MED16: variants seen among roughly 807,000 people sequenced by gnomAD.
MED16 encodes mediator complex subunit 16.
Under a neutral mutation model 84.4 loss-of-function variants are expected in MED16, and 81 were observed. That is an observed-to-expected ratio of 0.96 (90% CI 0.80 to 1.15). The LOEUF (loss-of-function observed/expected upper bound fraction) is 1.15, where lower values mean the gene tolerates loss of function less well. Ranked by LOEUF, MED16 falls within the 50% of genes most tolerant of loss-of-function variation. The probability of loss-of-function intolerance (pLI) is 0.00; values close to 1 mark genes in which losing one functional copy is unlikely to be tolerated. For missense variants in MED16, 1,585 were observed against 1,245.9 expected (o/e 1.27, Z -4.10); for synonymous variants, 897 against 552.2 (o/e 1.62, Z -8.76).
Position 882,613 on chromosome 19 carries a change from G to C in MED16, c.986-899C>G, listed in dbSNP as rs187078000. On this transcript the variant is annotated intron_variant, in intron 6 of 15. Transcript: ENST00000325464. The stretch of plus-strand genomic sequence containing the variant: ...TGGGACACGGAGGGCAGCTGGAGCC[G>C]GCCTGCTGGAGCATGTGCGGCCAGT... 3.3e-5 allele frequency among the ~76,000 whole-genome samples: 5 copies of C among 152,330 alleles called. No homozygotes were observed. The East Asian group carries it at 9.6e-4, about 29-fold the overall frequency.
chr19:876,566 G>A (rs758494170), intron 9 of MED16, among the ~76,000 whole-genome samples: 70 of 152,116 alleles, frequency 4.6e-4, no homozygotes, highest in South Asian at 4.1e-4. Context: ...TCCCAGGTAA[G>A]GAAGGAAACT....
chr19:885,938 C>G lies in MED16; in HGVS notation c.711G>C (p.Ser237=), dbSNP rs141522921. 3.7e-6 allele frequency: 6 copies of G among 1,612,830 alleles called. No homozygotes were observed. The Admixed American group carries it at 8.3e-5, about 22-fold the overall frequency. Residue 237 remains serine, a synonymous_variant, in exon 5 of 16, where the codon TCG becomes TCC. Coordinates refer to ENST00000325464, the MANE Select transcript of MED16 (RefSeq NM_005481.3). ...CGCACACCTTGTAGAACTGCACGGG[C>G]GACGCGCTGCTGCCGTCCGCCGTGG... ...VVATADGSSA[S]PVQFYKVCVS... is the part of the protein sequence containing the mutation.
chr19:873,234 CT>C (rs1325671047), intron 11 of MED16, among the ~76,000 whole-genome samples: 1 of 142,662 alleles, frequency 7.0e-6, no homozygotes, highest in East Asian at 2.2e-4. Context: ...GGAAGTGGGA[CT>C]CCAAGTAGGG....
chr19:889,836 C>G, intron 3 of MED16, 29 bp from the exon 4 acceptor site: 2 of 1,592,480 alleles, frequency 1.3e-6, no homozygotes, highest in Non-Finnish European at 8.5e-7. Context: ...CATTGCGAAC[C>G]TTCCAGGGAT....
chr19:878,017 CCACCAG>C (rs1251926279), intron 8 of MED16, among the ~76,000 whole-genome samples: 1 of 84,048 alleles, frequency 1.2e-5, no homozygotes, highest in Non-Finnish European at 2.3e-5. Flanking sequence ...TTGTCAACGC[CCACCAG>C]CCCCAGCCCC....
At chr19:890,897 G>C (rs1349006736) in intron 2 of MED16, 66 bp downstream of exon 2, 3 of 1,541,794 alleles carry the variant, frequency 1.9e-6, no homozygotes, top group Non-Finnish European at 2.6e-6. Context: ...CAGTGGGCCG[G>C]GCACCTGGGG....
chr19:886,248 G>C (rs1186811838), intron 4 of MED16, 47 bp from the exon 5 acceptor site: 27 of 1,451,636 alleles, frequency 1.9e-5, no homozygotes, highest in East Asian at 2.4e-5. Context: ...GGCTCATGGG[G>C]GCTGCCCCAT....
intron 8 of MED16, among the ~76,000 whole-genome samples, chr19:877,571 G>C (rs962422901): frequency 1.1e-5 from 1 of 88,942 alleles, no homozygotes; most frequent in African/African-American, 5.0e-5. Flanking sequence ...ACAAGGCAGC[G>C]CAGGCAGGGG....
intron 6 of MED16, among the ~76,000 whole-genome samples, chr19:882,586 T>G (rs1001690473): frequency 6.6e-6 from 1 of 152,276 alleles, no homozygotes; most frequent in South Asian, 2.1e-4. Flanking sequence ...TGTGGCTGCA[T>G]GTGGGACACG....
At chr19:883,846 G>A (rs1220703531) in intron 6 of MED16, among the ~76,000 whole-genome samples, 1 of 152,160 alleles carries the variant, frequency 6.6e-6, no homozygotes, top group African/African-American at 2.4e-5. Context: ...CCCAGGGGAA[G>A]GAATGAGGCC....
rs754611022 is a variant in MED16, at chr19:891,078, G to A, written c.54C>T (p.Val18=). Reference sequence around the variant, plus strand: ...TCTTGGACCATTTCTCCCACTCACAGACGTAGGCCAAGTCCATCATCCCAC... The same window carrying A: ...TCTTGGACCATTTCTCCCACTCACAAACGTAGGCCAAGTCCATCATCCCAC... ...AAGGMMDLAY[V]CEWEKWSKST... is the part of the protein sequence containing the mutation. The change falls in exon 2 of 16, where the codon GTC becomes GTT. Residue 18 remains valine (V), a synonymous_variant. Transcript: ENST00000325464. 7.4e-6 allele frequency: 12 copies of A among 1,613,982 alleles called. No individual in the cohort carries two copies. The South Asian group carries it at 1.1e-4, about 15-fold the overall frequency.
intron 8 of MED16, among the ~76,000 whole-genome samples, chr19:879,443 C>CAATG (rs1334251623): frequency 5.9e-4 from 48 of 81,148 alleles, no homozygotes; most frequent in Admixed American, 1.1e-3. Context: ...GCCCCACGTG[C>CAATG]CCCAGCAGCT....
At chr19:883,840 G>C (rs555544825) in intron 6 of MED16, among the ~76,000 whole-genome samples, 28 of 152,288 alleles carry the variant, frequency 1.8e-4, no homozygotes, top group African/African-American at 6.0e-4. Flanking sequence ...ACGAGGCCCA[G>C]GGGAAGGAAT....
intron 6 of MED16, among the ~76,000 whole-genome samples, chr19:882,325 C>A (rs1413045004): frequency 6.6e-6 from 1 of 152,174 alleles, no homozygotes; most frequent in Admixed American, 6.5e-5. Flanking sequence ...CTGGACAACA[C>A]AGCAAGACCC....
rs576067300 is a variant in MED16 at position 887,097 on chromosome 19, G to A, written c.448-896C>T. Among the ~76,000 whole-genome samples the A allele has an allele frequency of 1.8e-3, 267 of 144,444 alleles. 1 individual carries two copies. The highest frequency in any genetic ancestry group is 6.9e-3 in the African/African-American group (240 of 34,694). 94.8% of individuals were successfully genotyped at this position (144,444 alleles called of 152,430 possible). ...TTTGTCTCAAAAACAAAAAAAAAAA[G>A]AACAAGAAAAATGTCTCTACGTTGT... On this transcript the variant is annotated intron_variant, in intron 4 of 15. Transcript: ENST00000325464.
At chr19:876,911 G>GAGGCCCCCACCTGCCACA (rs2036251179) in intron 9 of MED16, 63 bp downstream of exon 9, 2 of 1,291,826 alleles carry the variant, frequency 1.5e-6, no homozygotes, top group African/African-American at 3.3e-5. Context: ...CACCTGCCAC[G>GAGGCCCCCACCTGCCACA]GGGCCCCCAC....
At chr19:874,853 C>CA (rs1022512479) in intron 10 of MED16, among the ~76,000 whole-genome samples, 4 of 151,964 alleles carry the variant, frequency 2.6e-5, no homozygotes, top group Non-Finnish European at 4.4e-5. Flanking sequence ...CTGGATGACA[C>CA]AGTGAGACCG....
rs545285156 is a variant in MED16, at chr19:884,168, A to G, written c.985+735T>C. On this transcript the variant is annotated intron_variant, in intron 6 of 15. Coordinates refer to ENST00000325464, the MANE Select transcript of MED16 (RefSeq NM_005481.3). Reference sequence around the variant, plus strand: ...CTAATCGGCAAATGCCTGTGCTCTCATCTACCGGGAAAACATCTCCCTTCT... The same window carrying G: ...CTAATCGGCAAATGCCTGTGCTCTCGTCTACCGGGAAAACATCTCCCTTCT... Among the ~76,000 whole-genome samples, 30 of 152,288 alleles carry G rather than the reference A, an allele frequency of 2.0e-4. No homozygotes were observed. In the South Asian group the frequency reaches 6.2e-3, roughly 32 times the overall value.
chr19:889,618 C>T lies in MED16; in HGVS notation c.447+20G>A. ...TGACATCTCATCTGCCTCATCCGCT[C>T]ACTCGGGCAGGACACTCACCTTCTC... On this transcript the variant is annotated intron_variant, in intron 4 of 15. Coordinates refer to ENST00000325464, the MANE Select transcript of MED16 (RefSeq NM_005481.3). 1 of 1,596,404 alleles carries T rather than the reference C, an allele frequency of 6.3e-7. No individual in the cohort carries two copies. Among genetic ancestry groups the T allele is most frequent in the Admixed American group, 1.7e-5 (1 of 59,448 alleles).
Sources: allele counts gnomAD v4.1 joint callset (sites outside exome capture counted in the v4.1 genomes callset), GRCh38; gene constraint gnomAD v4.1.1; transcripts MANE v1.5; gene names NCBI Gene and HGNC (gene_info 2026-07-23, HGNC 2026-07-21).